PKIB: variants seen among roughly 807,000 people sequenced by gnomAD.
PKIB encodes the protein cAMP-dependent protein kinase inhibitor beta.
Under a neutral mutation model 4.5 loss-of-function variants are expected in PKIB, and 2 were observed. That is an observed-to-expected ratio of 0.44 (90% CI 0.18 to 1.39). The LOEUF is 1.39. PKIB is among the 40% of genes most tolerant of loss of function. The pLI, the probability that PKIB is intolerant of heterozygous loss-of-function variation, is 0.27. For synonymous variants in PKIB, 38 were observed against 36.0 expected, an observed-to-expected ratio of 1.06 and a Z score of -0.20; for missense variants, 94 against 92.6, an observed-to-expected ratio of 1.02 and a Z score of -0.06.
chr6:122,676,131 T>A (rs550859355), intron 3 of PKIB, among the ~76,000 whole-genome samples: 22 of 151,988 alleles, frequency 1.4e-4, no homozygotes, highest in African/African-American at 4.3e-4. Flanking sequence ...GAGCTTGTTT[T>A]CCTGCAACTA....
intron 2 of PKIB, among the ~76,000 whole-genome samples, chr6:122,521,430 T>C (rs1776943347): frequency 6.6e-6 from 1 of 152,082 alleles, no homozygotes; most frequent in Non-Finnish European, 1.5e-5. Flanking sequence ...CCTGTAATCT[T>C]AGCACTTTGG....
chr6:122,694,919 G>A (rs1582819442), intron 3 of PKIB, among the ~76,000 whole-genome samples: 1 of 152,174 alleles, frequency 6.6e-6, no homozygotes, highest in South Asian at 2.1e-4. Context: ...GTATAGAAAT[G>A]ACTAAAAGGA....
intron 3 of PKIB, among the ~76,000 whole-genome samples, chr6:122,715,233 C>G (rs186407431): frequency 6.6e-6 from 1 of 151,590 alleles, no homozygotes; most frequent in East Asian, 1.9e-4. Context: ...TATTTAAGAT[C>G]GCATATCTTA....
rs1349727564 is a variant in PKIB at position 122,643,236 on chromosome 6, G to T, written c.-76+9869G>T. ...TTTCTATTTCTTACCCCATGCAATT[G>T]TTTGATTTTGAGATTTGAGCTAGGT... On this transcript the variant is annotated intron_variant, in intron 2 of 4. Transcript: ENST00000368452. 3.3e-5 allele frequency among the ~76,000 whole-genome samples: 5 copies of T among 152,062 alleles called. 1 individual carries two copies. Among genetic ancestry groups the T allele is most frequent in the African/African-American group, 1.2e-4 (5 of 41,420 alleles).
intron 2 of PKIB, among the ~76,000 whole-genome samples, chr6:122,487,688 T>C (rs9385247): frequency 0.11 from 17,184 of 152,222 alleles, 1,232 homozygotes; most frequent in East Asian, 0.21. Context: ...AAGCAGACTC[T>C]CACCAGACAC....
intron 2 of PKIB, among the ~76,000 whole-genome samples, chr6:122,571,075 A>G (rs967695303): frequency 1.3e-5 from 2 of 152,222 alleles, no homozygotes; most frequent in Non-Finnish European, 2.9e-5. Context: ...ACTTCTGGAA[A>G]TAAAAGACAT....
chr6:122,721,501 G>A (rs1007549807), intron 4 of PKIB, among the ~76,000 whole-genome samples: 3 of 152,046 alleles, frequency 2.0e-5, no homozygotes, highest in Non-Finnish European at 4.4e-5. Flanking sequence ...TCTAAAAATA[G>A]AACATACAAC....
At chr6:122,648,367 C>T (rs1287962784) in intron 2 of PKIB, among the ~76,000 whole-genome samples, 11 of 152,154 alleles carry the variant, frequency 7.2e-5, no homozygotes, top group Non-Finnish European at 1.5e-4. Flanking sequence ...AGATCAAGCA[C>T]CACATATTGA....
intron 2 of PKIB, among the ~76,000 whole-genome samples, chr6:122,641,229 T>C (rs1289957352): frequency 2.0e-5 from 3 of 152,174 alleles, no homozygotes; most frequent in Non-Finnish European, 4.4e-5. Flanking sequence ...AAAAGATTGT[T>C]TTTGAAATAT....
chr6:122,550,057 G>A (rs1035507622), intron 2 of PKIB, among the ~76,000 whole-genome samples: 8 of 151,746 alleles, frequency 5.3e-5, no homozygotes, highest in Non-Finnish European at 7.4e-5. Flanking sequence ...TGGGATTACA[G>A]GTGTGTGCTG....
At position 122,570,699 on chromosome 6, in the gene PKIB, A is replaced by G. The variant is rs983199592; in HGVS notation, c.-247-15222A>G. ...TAAATTAGCCTGCAATAAACTATAAACGTTAAAGTCAGATTCCTAAGAGGG... is the reference window on the plus strand; with the variant it reads ...TAAATTAGCCTGCAATAAACTATAAGCGTTAAAGTCAGATTCCTAAGAGGG... On this transcript the variant is annotated intron_variant, in intron 2 of 6. Coordinates refer to the PKIB transcript ENST00000392491. Among the ~76,000 whole-genome samples the G allele has an allele frequency of 2.6e-5, 4 of 152,278 alleles. No homozygotes were observed. In the East Asian group the frequency reaches 7.7e-4, roughly 29 times the overall value.
chr6:122,616,642 G>A (rs901518945), intron 1 of PKIB, among the ~76,000 whole-genome samples: 3 of 152,098 alleles, frequency 2.0e-5, no homozygotes, highest in East Asian at 1.9e-4. Context: ...AAGGACGAAA[G>A]TGGAGGCCTT....
chr6:122,587,989 T>A (rs1773901827), intron 3 of PKIB, among the ~76,000 whole-genome samples: 1 of 152,200 alleles, frequency 6.6e-6, no homozygotes, highest in African/African-American at 2.4e-5. Context: ...TTCACTCTGA[T>A]GGTAGTTTCT....
chr6:122,691,296 AC>A (rs1234432880), intron 3 of PKIB, among the ~76,000 whole-genome samples: 2 of 151,632 alleles, frequency 1.3e-5, no homozygotes, highest in East Asian at 3.9e-4. Context: ...TTCTCTACCT[AC>A]TCTTTAAGGC....
chr6:122,715,210 G>C (rs1202671154), intron 3 of PKIB, among the ~76,000 whole-genome samples: 2 of 151,628 alleles, frequency 1.3e-5, no homozygotes, highest in African/African-American at 2.4e-5. Flanking sequence ...AAAATATATA[G>C]CATTTATTTA....
chr6:122,537,748 G>A (rs111489069), intron 2 of PKIB, among the ~76,000 whole-genome samples: 6 of 152,170 alleles, frequency 3.9e-5, no homozygotes, highest in African/African-American at 9.6e-5. Flanking sequence ...CTGAGGAATC[G>A]CCACACTGAC....
intron 2 of PKIB, among the ~76,000 whole-genome samples, chr6:122,646,651 C>A (rs1776327577): frequency 6.6e-6 from 1 of 152,122 alleles, no homozygotes; most frequent in African/African-American, 2.4e-5. Context: ...AGATTCTTTA[C>A]AATGGTGAAC....
At chr6:122,577,281 A>G (rs901353246) in intron 2 of PKIB, among the ~76,000 whole-genome samples, 4 of 152,230 alleles carry the variant, frequency 2.6e-5, no homozygotes, top group South Asian at 2.1e-4. Context: ...AAGTTAAAAA[A>G]AAGTATGTGG....
chr6:122,542,304 C>T (rs1236142498), intron 2 of PKIB, among the ~76,000 whole-genome samples: 5 of 152,044 alleles, frequency 3.3e-5, no homozygotes, highest in African/African-American at 9.7e-5. Context: ...TTTTCCCCAT[C>T]TTTGTGGTTT....
Sources: allele counts gnomAD v4.1 joint callset (sites outside exome capture counted in the v4.1 genomes callset), GRCh38; gene constraint gnomAD v4.1.1; transcripts MANE v1.5; gene names NCBI Gene and HGNC (gene_info 2026-07-23, HGNC 2026-07-21).